Variants in ARHGAP29 observed in about 807,000 individuals in gnomAD.
ARHGAP29 encodes the protein rho GTPase-activating protein 29.
In ARHGAP29, 43 loss-of-function variants were observed where a neutral mutation model predicts 122.6. The observed-to-expected ratio is 0.35, with a 90% confidence interval of 0.27 to 0.45. ARHGAP29 has a LOEUF of 0.45. Among genes scored for constraint, ARHGAP29 ranks in the 20% least tolerant of loss-of-function variants. The pLI is 1.00. For missense variants in ARHGAP29, 1,303 were observed against 1,477.2 expected (o/e 0.88, Z 1.93); for synonymous variants, 506 against 497.1 (o/e 1.02, Z -0.24).
intron 19 of ARHGAP29, among the ~76,000 whole-genome samples, chr1:94,181,337 C>T (rs1296281437): frequency 6.6e-6 from 1 of 152,146 alleles, no homozygotes; most frequent in Admixed American, 6.5e-5. Flanking sequence ...CCCGAGAAGT[C>T]TCAAGGTTTC....
At chr1:94,199,670 G>C (rs1265171291) in intron 12 of ARHGAP29, among the ~76,000 whole-genome samples, 1 of 150,390 alleles carries the variant, frequency 6.6e-6, no homozygotes, top group Non-Finnish European at 1.5e-5. Flanking sequence ...CCATCCCTAT[G>C]CTCCAAAGTC....
At chr1:94,287,649 C>T in the ARHGAP29 span, among the ~76,000 whole-genome samples, 1 of 152,004 alleles carries the variant, frequency 6.6e-6, no homozygotes, top group Admixed American at 6.6e-5. Flanking sequence ...GCTATCCCCC[C>T]CAGCTCCCCA....
chr1:94,193,094 A>T (rs1650224279), intron 12 of ARHGAP29: 1 of 152,178 alleles, frequency 6.6e-6, no homozygotes, highest in Non-Finnish European at 1.5e-5. Context: ...AGTCTCAGCA[A>T]AGAAATGTAA....
intron 15 of ARHGAP29, among the ~76,000 whole-genome samples, chr1:94,187,705 A>G (rs572858846): frequency 6.0e-4 from 92 of 152,236 alleles, no homozygotes; most frequent in Admixed American, 3.1e-3. Context: ...TACCACATGA[A>G]GTCTTATGGG....
At chr1:94,174,902 T>C (rs1201914817) in intron 22 of ARHGAP29, among the ~76,000 whole-genome samples, 153 bp from the exon 23 acceptor site, 1 of 152,204 alleles carries the variant, frequency 6.6e-6, no homozygotes, top group African/African-American at 2.4e-5. Context: ...GAGTTAAACA[T>C]TTGCACAGTA....
upstream of ARHGAP29, among the ~76,000 whole-genome samples, chr1:94,275,894 A>G (rs1486698035): frequency 6.6e-6 from 1 of 152,054 alleles, no homozygotes; most frequent in Admixed American, 6.6e-5. Context: ...CTCAGCTTCT[A>G]TCACAAATCA....
intron 5 of ARHGAP29, among the ~76,000 whole-genome samples, chr1:94,207,163 C>T (rs1274596130): frequency 6.6e-6 from 1 of 151,644 alleles, no homozygotes; most frequent in Non-Finnish European, 1.5e-5. Flanking sequence ...TGCACATCAC[C>T]CTTCCTGGCT....
At chr1:94,302,619 C>A in the ARHGAP29 span, 1 of 419,688 alleles carries the variant, frequency 2.4e-6, no homozygotes, top group Non-Finnish European at 4.8e-6. Flanking sequence ...GGCCATGGGG[C>A]TCTCCATTAC....
intron 12 of ARHGAP29, among the ~76,000 whole-genome samples, chr1:94,200,910 T>C (rs2101496615): frequency 6.6e-6 from 1 of 152,162 alleles, no homozygotes; most frequent in East Asian, 1.9e-4. Flanking sequence ...ATAAGTAGCA[T>C]GAAGGAATCA....
chr1:94,202,134 A>C (rs921643286), intron 11 of ARHGAP29: 6 of 434,588 alleles, frequency 1.4e-5, no homozygotes, highest in African/African-American at 1.2e-4. Flanking sequence ...ATATAATCTT[A>C]CAGAATTTGT....
chr1:94,247,478 C>A (rs1653857462), intron 1 of ARHGAP29, among the ~76,000 whole-genome samples: 1 of 151,456 alleles, frequency 6.6e-6, no homozygotes, highest in Admixed American at 6.6e-5. Flanking sequence ...GGACCCTGGA[C>A]GGCAACTAGC....
intron 11 of ARHGAP29, 145 bp from the exon 12 acceptor site, chr1:94,202,002 T>C (rs1650881055): frequency 1.3e-6 from 1 of 794,306 alleles, no homozygotes; most frequent in African/African-American, 1.7e-5. Context: ...TCTGTTCTGG[T>C]CAGTGATTCA....
chr1:94,184,071 G>A (rs550254951), intron 19 of ARHGAP29, 80 bp downstream of exon 19: 2 of 1,475,022 alleles, frequency 1.4e-6, no homozygotes, highest in East Asian at 2.3e-5. Context: ...AACATGTGTA[G>A]CAAATGTTAT....
At chr1:94,292,751 T>A in the ARHGAP29 span, among the ~76,000 whole-genome samples, 8 of 152,194 alleles carry the variant, frequency 5.3e-5, no homozygotes, top group Non-Finnish European at 8.8e-5. Flanking sequence ...GGAGGTCCGC[T>A]CCAGACCGTG....
At chr1:94,287,295 GT>G in the ARHGAP29 span, among the ~76,000 whole-genome samples, 1 of 152,108 alleles carries the variant, frequency 6.6e-6, no homozygotes, top group Non-Finnish European at 1.5e-5. Context: ...TATGGGGGCG[GT>G]TTCCCCCATT....
At chr1:94,184,313 T>A in intron 18 of ARHGAP29, 25 bp from the exon 19 acceptor site, 2 of 1,574,550 alleles carry the variant, frequency 1.3e-6, no homozygotes, top group Admixed American at 1.9e-5. Flanking sequence ...AAAAAAATTT[T>A]GCAAAATTCT....
At chr1:94,221,656 T>C (rs998194090) in intron 2 of ARHGAP29, among the ~76,000 whole-genome samples, 3 of 150,736 alleles carry the variant, frequency 2.0e-5, no homozygotes, top group African/African-American at 7.3e-5. Context: ...TACATACAAA[T>C]GTATGTGCAC....
At chr1:94,290,803 T>C in the ARHGAP29 span, among the ~76,000 whole-genome samples, 1 of 152,240 alleles carries the variant, frequency 6.6e-6, no homozygotes, top group Non-Finnish European at 1.5e-5. Context: ...TGTTGTGATT[T>C]CTGTTCTTTT....
In ARHGAP29 at chr1:94,174,614, T is replaced by A. The variant is rs915174947; in HGVS notation, c.3041A>T (p.Lys1014Met). The A allele has an allele frequency of 2.5e-5, 41 of 1,614,018 alleles. No individual in the cohort carries two copies. The highest frequency in any genetic ancestry group is 3.1e-5 in the Non-Finnish European group (36 of 1,180,036). The change falls in exon 23 of 23, where the codon AAG becomes ATG. Residue 1014 changes from lysine to methionine, a missense_variant. Coordinates refer to ENST00000260526, the MANE Select transcript of ARHGAP29 (RefSeq NM_004815.4). ...NNVERHTPRT[K>M]IRPVSLPVDR... ...TACAGGCAAACTTACAGGTCTAATC[T>A]TGGTCCTTGGAGTATGCCTCTCCAC... is the stretch of plus-strand genomic sequence containing the variant.
Sources: allele counts gnomAD v4.1 joint callset (sites outside exome capture counted in the v4.1 genomes callset), GRCh38; gene constraint gnomAD v4.1.1; transcripts MANE v1.5; gene names NCBI Gene and HGNC (gene_info 2026-07-23, HGNC 2026-07-21).